CCDC171: variants seen among roughly 807,000 people sequenced by gnomAD.
CCDC171 encodes the protein coiled-coil domain-containing protein 171.
A neutral mutation model predicts 168.2 loss-of-function variants in CCDC171; 177 were observed. The observed-to-expected ratio is 1.05, with a 90% CI of 0.93 to 1.19. The LOEUF is 1.19. Among genes scored for constraint, CCDC171 ranks in the 50% most tolerant of loss-of-function variants. The pLI is 0.00. For missense variants in CCDC171, 1,991 were observed against 1,539.0 expected, an observed-to-expected ratio of 1.29 and a Z score of -4.91; for synonymous variants, 687 against 540.8, an observed-to-expected ratio of 1.27 and a Z score of -3.75.
intron 18 of CCDC171, among the ~76,000 whole-genome samples, chr9:15,768,791 T>C (rs1000170417): frequency 1.3e-5 from 2 of 152,210 alleles, no homozygotes; most frequent in Non-Finnish European, 2.9e-5. Flanking sequence ...AATAATGATA[T>C]CATTTCATGG....
At chr9:15,721,305 A>G (rs1389975902) in intron 11 of CCDC171, among the ~76,000 whole-genome samples, 1 of 152,086 alleles carries the variant, frequency 6.6e-6, no homozygotes, top group Non-Finnish European at 1.5e-5. Flanking sequence ...AAAATAGTGC[A>G]GTATAAAAGG....
intron 25 of CCDC171, among the ~76,000 whole-genome samples, chr9:15,964,225 T>C (rs1440239100): frequency 6.6e-6 from 1 of 152,236 alleles, no homozygotes; most frequent in Admixed American, 6.5e-5. Context: ...TCAGCCTATT[T>C]TCTAATTACA....
the CCDC171 span, among the ~76,000 whole-genome samples, chr9:16,068,866 G>T: frequency 6.6e-6 from 1 of 152,066 alleles, no homozygotes; most frequent in Non-Finnish European, 1.5e-5. Flanking sequence ...CACTCAGACA[G>T]GGTCTCAAAG....
At chr9:15,620,517 A>G (rs180784861) in intron 6 of CCDC171, among the ~76,000 whole-genome samples, 2 of 152,356 alleles carry the variant, frequency 1.3e-5, no homozygotes, top group Admixed American at 1.3e-4. Flanking sequence ...AATCTCATGC[A>G]TTCATAAAAC....
chr9:15,682,398 A>C (rs2050099742), intron 10 of CCDC171, among the ~76,000 whole-genome samples: 1 of 151,980 alleles, frequency 6.6e-6, no homozygotes, highest in Admixed American at 6.6e-5. Flanking sequence ...GTCTAAACTG[A>C]GTATGTTGTC....
At chr9:15,560,727 C>G (rs902610426) in intron 1 of CCDC171, among the ~76,000 whole-genome samples, 1 of 152,168 alleles carries the variant, frequency 6.6e-6, no homozygotes, top group Non-Finnish European at 1.5e-5. Context: ...AAGCCTTCTT[C>G]TCTTAACTCA....
intron 25 of CCDC171, among the ~76,000 whole-genome samples, chr9:15,959,350 C>G (rs1193049025): frequency 6.6e-6 from 1 of 152,120 alleles, no homozygotes; most frequent in Non-Finnish European, 1.5e-5. Flanking sequence ...TCTGTGCTTA[C>G]TAATATTTCT....
chr9:15,859,547 C>T (rs918568919), intron 23 of CCDC171, among the ~76,000 whole-genome samples: 5 of 151,920 alleles, frequency 3.3e-5, no homozygotes, highest in African/African-American at 1.2e-4. Context: ...TTTTTGATTA[C>T]TGAGTCAATC....
intron 21 of CCDC171, among the ~76,000 whole-genome samples, chr9:15,785,079 G>C (rs1018367872): frequency 6.6e-6 from 1 of 152,006 alleles, no homozygotes; most frequent in East Asian, 1.9e-4. Context: ...ATTCTGGAAG[G>C]TTTTGGTCTG....
intron 11 of CCDC171, among the ~76,000 whole-genome samples, chr9:15,712,572 G>T (rs2052750112): frequency 6.6e-6 from 1 of 152,180 alleles, no homozygotes; most frequent in Non-Finnish European, 1.5e-5. Flanking sequence ...CACATGGATG[G>T]TAGTTTGGTC....
intron 8 of CCDC171, among the ~76,000 whole-genome samples, chr9:16,036,862 G>T (rs1207498963): frequency 1.3e-5 from 2 of 152,226 alleles, no homozygotes; most frequent in African/African-American, 4.8e-5. Context: ...ATGAAATCCT[G>T]TCATTCACAG....
chr9:15,758,028 G>A (rs967747225), intron 18 of CCDC171, among the ~76,000 whole-genome samples: 20 of 152,200 alleles, frequency 1.3e-4, no homozygotes, highest in African/African-American at 4.8e-4. Context: ...GAAGGGAAAT[G>A]TGGGGTAGGA....
chr9:16,072,287 C>T, the CCDC171 span, among the ~76,000 whole-genome samples: 1 of 152,178 alleles, frequency 6.6e-6, no homozygotes, highest in Non-Finnish European at 1.5e-5. Flanking sequence ...GTGTAACCTT[C>T]TCAATTTAGT....
rs188844525 is a variant in CCDC171, at chr9:15,752,831, T to C, written c.2671+7200T>C. On this transcript the variant is annotated intron_variant, in intron 18 of 25. Coordinates refer to ENST00000380701, the MANE Select transcript of CCDC171 (RefSeq NM_173550.4). The stretch of plus-strand genomic sequence containing the variant: ...GTGCAGCAAACCAACATGGCTCATA[T>C]ATACCTATATAACAAACCTGCACAT... Among the ~76,000 whole-genome samples, 20 of 152,230 alleles carry C rather than the reference T, an allele frequency of 1.3e-4. 1 individual carries two copies. In the East Asian group the frequency reaches 3.5e-3, roughly 26 times the overall value.
upstream of CCDC171, among the ~76,000 whole-genome samples, chr9:16,038,040 C>T (rs1325446030): frequency 2.6e-5 from 4 of 152,088 alleles, no homozygotes; most frequent in Admixed American, 2.6e-4. Flanking sequence ...CCAAAAAGTT[C>T]TTAAAGCAAT....
intron 11 of CCDC171, among the ~76,000 whole-genome samples, chr9:15,712,611 C>G (rs961423847): frequency 6.6e-6 from 1 of 152,158 alleles, no homozygotes; most frequent in Admixed American, 6.5e-5. Flanking sequence ...GAAGGAAAAT[C>G]CGTATTCAGA....
At chr9:15,736,713 G>T (rs2054520999) in intron 16 of CCDC171, among the ~76,000 whole-genome samples, 1 of 149,134 alleles carries the variant, frequency 6.7e-6, no homozygotes, top group African/African-American at 2.5e-5. Context: ...GTCTCACTCT[G>T]TCACCCAGGT....
At chr9:15,683,564 C>T (rs10756690) in intron 10 of CCDC171, among the ~76,000 whole-genome samples, 61,627 of 151,788 alleles carry the variant, frequency 0.41, 14,266 homozygotes, top group East Asian at 0.76. Flanking sequence ...TTCCGTTTCT[C>T]TTAGTGGCCC....
chr9:15,649,264 CTTAAATG>C (rs1451029673), intron 7 of CCDC171, among the ~76,000 whole-genome samples: 1 of 152,152 alleles, frequency 6.6e-6, no homozygotes, highest in Non-Finnish European at 1.5e-5. Flanking sequence ...GAATTAAAGA[CTTAAATG>C]TTAAACCTAA....
Sources: gnomAD v4.1 joint callset for allele counts (sites outside exome capture counted in the v4.1 genomes callset) on GRCh38, gnomAD v4.1.1 for gene constraint, MANE v1.5 for transcripts, NCBI Gene and HGNC (gene_info 2026-07-23, HGNC 2026-07-21) for gene names.